NUDT7: variants seen among roughly 807,000 people sequenced by gnomAD.
NUDT7 encodes the protein nudix hydrolase 7.
NUDT7 carries 19 observed loss-of-function variants against 13.1 expected under a neutral mutation model. The observed-to-expected ratio is 1.45, with a 90% CI of 1.01 to 2.13. The LOEUF (loss-of-function observed/expected upper bound fraction) is 2.13, where lower values mean the gene tolerates loss of function less well. Among genes scored for constraint, NUDT7 ranks in the 30% most tolerant of loss-of-function variants. NUDT7 has a pLI of 0.00. For missense variants in NUDT7, 360 were observed against 291.7 expected, an observed-to-expected ratio of 1.23 and a Z score of -1.71; for synonymous variants, 132 against 109.7, an observed-to-expected ratio of 1.20 and a Z score of -1.27.
intron 2 of NUDT7, among the ~76,000 whole-genome samples, chr16:77,728,701 A>G (rs1296627350): frequency 1.3e-5 from 2 of 152,040 alleles, no homozygotes; most frequent in Non-Finnish European, 2.9e-5. Flanking sequence ...GATGCTACCT[A>G]TGTTTTCGTT....
intron 2 of NUDT7, chr16:77,735,432 G>A (rs569355977): frequency 2.8e-5 from 18 of 652,762 alleles, no homozygotes; most frequent in African/African-American, 1.4e-4. Flanking sequence ...CTTCCGCCAT[G>A]ATTGTAAGTT....
chr16:77,729,903 AG>A (rs372785226), intron 2 of NUDT7, among the ~76,000 whole-genome samples: 2,006 of 152,306 alleles, frequency 0.013, 45 homozygotes, highest in African/African-American at 0.045. Flanking sequence ...GATGTTTTGA[AG>A]TATATATTCA....
intron 3 of NUDT7, among the ~76,000 whole-genome samples, chr16:77,737,246 G>C (rs763650809): frequency 6.6e-6 from 1 of 152,098 alleles, no homozygotes; most frequent in Non-Finnish European, 1.5e-5. Context: ...ATTGTATTTT[G>C]TGGTCATGTC....
intron 2 of NUDT7, 176 bp downstream of exon 2, chr16:77,725,760 T>A: frequency 1.6e-6 from 1 of 609,198 alleles, no homozygotes; most frequent in Non-Finnish European, 2.8e-6. Flanking sequence ...GGAGAAGGTT[T>A]AACAAGAAAA....
intron 1 of NUDT7, among the ~76,000 whole-genome samples, chr16:77,724,863 T>C (rs905039939): frequency 3.3e-5 from 5 of 152,210 alleles, no homozygotes; most frequent in African/African-American, 1.2e-4. Flanking sequence ...ACAGCGTCAG[T>C]AACGCTGTCA....
At chr16:77,738,667 C>T (rs1361838887) in intron 3 of NUDT7, among the ~76,000 whole-genome samples, 1 of 152,050 alleles carries the variant, frequency 6.6e-6, no homozygotes, top group Non-Finnish European at 1.5e-5. Flanking sequence ...CTCCACCTCC[C>T]AAGTTCAAGC....
chr16:77,725,988 A>C (rs1597110588), intron 2 of NUDT7, among the ~76,000 whole-genome samples: 1 of 152,314 alleles, frequency 6.6e-6, no homozygotes, highest in Middle Eastern at 3.4e-3. Context: ...CCAGTATGCC[A>C]GTAGCACACA....
chr16:77,740,264 C>A (rs2014618390), intron 3 of NUDT7, among the ~76,000 whole-genome samples: 1 of 152,158 alleles, frequency 6.6e-6, no homozygotes, highest in Admixed American at 6.6e-5. Flanking sequence ...TGTCTCTGTT[C>A]CTAAATTTGG....
intron 2 of NUDT7, among the ~76,000 whole-genome samples, chr16:77,729,731 A>C (rs1393930012): frequency 6.6e-6 from 1 of 152,176 alleles, no homozygotes; most frequent in Non-Finnish European, 1.5e-5. Flanking sequence ...AGGCTGAGGC[A>C]GGAGAATCGC....
At chr16:77,733,492 T>C (rs76040598) in intron 2 of NUDT7, among the ~76,000 whole-genome samples, 13,945 of 152,232 alleles carry the variant, frequency 0.092, 675 homozygotes, top group East Asian at 0.14. Flanking sequence ...ACCATCACCT[T>C]AGGGGTAAGG....
chr16:77,737,640 C>G (rs528025441), intron 3 of NUDT7, among the ~76,000 whole-genome samples: 1 of 152,070 alleles, frequency 6.6e-6, no homozygotes. Context: ...CGCCCATCAC[C>G]GCGCCCGGCT....
At chr16:77,727,362 A>G (rs569250861) in intron 2 of NUDT7, among the ~76,000 whole-genome samples, 7 of 152,060 alleles carry the variant, frequency 4.6e-5, no homozygotes, top group Admixed American at 3.9e-4. Context: ...ATGCCAAGGA[A>G]TCAGCTGGAG....
chr16:77,729,417 T>C (rs922720082), intron 2 of NUDT7, among the ~76,000 whole-genome samples: 1 of 152,064 alleles, frequency 6.6e-6, no homozygotes, highest in African/African-American at 2.4e-5. Context: ...CCACACACAA[T>C]ACCTCACATA....
chr16:77,732,047 C>CG (rs899428404), intron 2 of NUDT7, among the ~76,000 whole-genome samples: 3 of 151,746 alleles, frequency 2.0e-5, no homozygotes, highest in Non-Finnish European at 2.9e-5. Context: ...AGAAAAAGGC[C>CG]GGGGGGTGGT....
chr16:77,728,343 C>A (rs1195702921), intron 2 of NUDT7, among the ~76,000 whole-genome samples: 2 of 152,164 alleles, frequency 1.3e-5, no homozygotes, highest in African/African-American at 4.8e-5. Flanking sequence ...AGCAATTCTC[C>A]CACCTCAGCC....
intron 2 of NUDT7, among the ~76,000 whole-genome samples, chr16:77,727,106 C>T (rs908893177): frequency 2.0e-5 from 3 of 152,074 alleles, no homozygotes; most frequent in Admixed American, 6.5e-5. Context: ...GATCCAGTCA[C>T]CTCCAACCAG....
chr16:77,722,592 C>G lies in NUDT7; in HGVS notation c.10C>G (p.Leu4Val), dbSNP rs2013990827. 2 of 1,593,354 alleles carry G rather than the reference C, an allele frequency of 1.3e-6. No homozygotes were observed. The highest frequency in any genetic ancestry group is 1.1e-5 in the South Asian group (1 of 87,788). ...AACATTCCCCAGGGCAATGTCACGA[C>G]TTGGTCTTCCCGAGGAGCCAGTCAG... The part of the protein sequence containing the change: MSR[L>V]GLPEEPVRNS... The change falls in exon 1 of 4, where the codon CTT (leucine) becomes GTT (valine). Residue 4 changes from leucine to valine, a missense_variant. Leu to Val is a conservative substitution (Grantham distance 32). Transcript: ENST00000268533.
At chr16:77,739,326 G>A (rs899801734) in intron 3 of NUDT7, among the ~76,000 whole-genome samples, 3 of 152,204 alleles carry the variant, frequency 2.0e-5, no homozygotes, top group African/African-American at 7.2e-5. Context: ...CTAAACAAGG[G>A]GTGGGTTATT....
chr16:77,730,715 T>C lies in NUDT7; in HGVS notation c.190-5113T>C, dbSNP rs554689532. Among the ~76,000 whole-genome samples, 136 of 152,336 alleles carry C rather than the reference T, an allele frequency of 8.9e-4. 2 individuals carry two copies. The highest frequency in any genetic ancestry group is 2.9e-3 in the African/African-American group (120 of 41,586). ...GTTTTCCACAATGATTGTACTAATT[T>C]ACATTCCCACCAAGAGTGTGTGATA... On this transcript the variant is annotated intron_variant, in intron 2 of 3. Transcript: ENST00000268533.
Sources: allele counts gnomAD v4.1 joint callset (sites outside exome capture counted in the v4.1 genomes callset), GRCh38; gene constraint gnomAD v4.1.1; transcripts MANE v1.5; gene names NCBI Gene and HGNC (gene_info 2026-07-23, HGNC 2026-07-21).